RBFOX1: variants seen among roughly 807,000 people sequenced by gnomAD.
RBFOX1 encodes RNA binding fox-1 homolog 1.
RBFOX1 carries 8 observed loss-of-function variants against 57.7 expected under a neutral mutation model. The ratio of observed to expected loss-of-function variants is 0.14; its 90% CI spans 0.08 to 0.25. The LOEUF is 0.25. Among genes scored for constraint, RBFOX1 ranks in the 10% least tolerant of loss-of-function variants. The pLI, the probability that RBFOX1 is intolerant of heterozygous loss-of-function variation, is 1.00. For missense variants in RBFOX1, 611 were observed against 548.5 expected (o/e 1.11, Z -1.14); for synonymous variants, 326 against 222.4 (o/e 1.47, Z -4.15).
intron 4 of RBFOX1, among the ~76,000 whole-genome samples, chr16:7,356,771 T>C (rs776909296): frequency 2.0e-5 from 3 of 152,244 alleles, no homozygotes; most frequent in Non-Finnish European, 2.9e-5. Flanking sequence ...CACTCTCACA[T>C]GGCTTCTGCA....
At chr16:6,692,412 A>T (rs1658310728) in intron 3 of RBFOX1, among the ~76,000 whole-genome samples, 1 of 152,142 alleles carries the variant, frequency 6.6e-6, no homozygotes, top group African/African-American at 2.4e-5. Flanking sequence ...CCTCTCATTT[A>T]AATCCATCCT....
At position 5,296,945 on chromosome 16, in the gene RBFOX1, G is replaced by C. The variant is rs184404600; in HGVS notation, c.219+56840G>C. Among the ~76,000 whole-genome samples, 7 of 152,132 alleles carry C rather than the reference G, an allele frequency of 4.6e-5. No individual in the cohort carries two copies. The East Asian group carries it at 1.4e-3, about 29-fold the overall frequency. On this transcript the variant is annotated intron_variant, in intron 1 of 2. Transcript: ENST00000585867. ...CCTGCCTCGACCTCCCAAAGTGCTG[G>C]GATTACAGGCATGAGCTACCATGCC...
chr16:5,357,234 A>C (rs904290121), intron 1 of RBFOX1, among the ~76,000 whole-genome samples: 4 of 152,154 alleles, frequency 2.6e-5, no homozygotes, highest in African/African-American at 7.2e-5. Context: ...TGTTTGTTCT[A>C]CTGGGGCATT....
At chr16:6,767,615 C>T (rs1202704347) in intron 3 of RBFOX1, among the ~76,000 whole-genome samples, 1 of 152,026 alleles carries the variant, frequency 6.6e-6, no homozygotes, top group Non-Finnish European at 1.5e-5. Flanking sequence ...AAGAACTCAT[C>T]CCTAAGAAAT....
At chr16:6,941,523 G>A (rs1424566293) in intron 3 of RBFOX1, among the ~76,000 whole-genome samples, 1 of 151,928 alleles carries the variant, frequency 6.6e-6, no homozygotes, top group Non-Finnish European at 1.5e-5. Context: ...GACCCTGCTG[G>A]TGGGTTTCCT....
chr16:6,207,851 C>G (rs916751874), intron 1 of RBFOX1, among the ~76,000 whole-genome samples: 1 of 151,762 alleles, frequency 6.6e-6, no homozygotes, highest in Non-Finnish European at 1.5e-5. Context: ...CCACATCCAG[C>G]TAATTAAAAA....
At chr16:6,549,022 C>G (rs569059379) in intron 2 of RBFOX1, among the ~76,000 whole-genome samples, 1 of 148,604 alleles carries the variant, frequency 6.7e-6, no homozygotes, top group African/African-American at 2.5e-5. Flanking sequence ...TTGCAGTGAG[C>G]TGAGATCATG....
At chr16:5,528,192 G>T (rs1440715542) in intron 2 of RBFOX1, among the ~76,000 whole-genome samples, 1 of 152,118 alleles carries the variant, frequency 6.6e-6, no homozygotes, top group Admixed American at 6.6e-5. Flanking sequence ...AGACATTCCC[G>T]TGAGCTTCCT....
chr16:6,541,643 T>A (rs190580452), intron 2 of RBFOX1, among the ~76,000 whole-genome samples: 1 of 152,322 alleles, frequency 6.6e-6, no homozygotes, highest in East Asian at 1.9e-4. Context: ...CAGTGACACC[T>A]AGGTGGAAAT....
intron 1 of RBFOX1, among the ~76,000 whole-genome samples, chr16:6,021,792 T>A (rs2095084392): frequency 6.6e-6 from 1 of 152,232 alleles, no homozygotes; most frequent in African/African-American, 2.4e-5. Context: ...AGCTTCGGGT[T>A]GTCACCTGTA....
At chr16:6,841,549 T>G (rs183218269) in intron 3 of RBFOX1, among the ~76,000 whole-genome samples, 1 of 152,018 alleles carries the variant, frequency 6.6e-6, no homozygotes, top group Non-Finnish European at 1.5e-5. Context: ...ATGAGGCGAG[T>G]ATTACCACAG....
In RBFOX1 at chr16:5,805,132, G is replaced by C. The variant is rs1296402466; in HGVS notation, c.319-62171G>C. Reference sequence around the variant, plus strand: ...TGGGAAGGGGGCAGTTTGGTCACAGGTCTTTGAGGAGACCTGGGCTGGGTT... The same window carrying C: ...TGGGAAGGGGGCAGTTTGGTCACAGCTCTTTGAGGAGACCTGGGCTGGGTT... On this transcript the variant is annotated intron_variant, in intron 3 of 19. Transcript: ENST00000641259. Among the ~76,000 whole-genome samples the C allele has an allele frequency of 7.9e-5, 12 of 152,094 alleles. No individual in the cohort carries two copies. In the East Asian group the frequency reaches 2.3e-3, roughly 29 times the overall value.
At chr16:7,093,506 A>G (rs1222596716) in intron 4 of RBFOX1, among the ~76,000 whole-genome samples, 1 of 152,200 alleles carries the variant, frequency 6.6e-6, no homozygotes, top group African/African-American at 2.4e-5. Flanking sequence ...CAGCATCTTT[A>G]AGTCAGAGGT....
chr16:5,280,214 C>G (rs974148146), intron 1 of RBFOX1, among the ~76,000 whole-genome samples: 1 of 152,156 alleles, frequency 6.6e-6, no homozygotes, highest in African/African-American at 2.4e-5. Context: ...TGCCTTTCAT[C>G]TTGTTGATGT....
At chr16:5,524,767 C>A (rs1597394681) in intron 2 of RBFOX1, among the ~76,000 whole-genome samples, 1 of 152,050 alleles carries the variant, frequency 6.6e-6, no homozygotes, top group Admixed American at 6.5e-5. Context: ...TCTTGAACTC[C>A]TGACCTCAAG....
chr16:6,484,374 T>A (rs1021444323), intron 2 of RBFOX1, among the ~76,000 whole-genome samples: 5 of 152,202 alleles, frequency 3.3e-5, no homozygotes, highest in African/African-American at 1.2e-4. Context: ...ACTCTTCATC[T>A]TCTCTGCCTG....
chr16:7,421,605 A>C (rs7198251), intron 4 of RBFOX1, among the ~76,000 whole-genome samples: 36,782 of 152,164 alleles, frequency 0.24, 4,927 homozygotes, highest in African/African-American at 0.35. Context: ...AGGTTGGAAG[A>C]CTGCCGAGGC....
chr16:5,262,677 T>C (rs1425026037), intron 1 of RBFOX1, among the ~76,000 whole-genome samples: 1 of 152,148 alleles, frequency 6.6e-6, no homozygotes, highest in Admixed American at 6.5e-5. Context: ...CCCAGAGTAA[T>C]ATACAAGGTT....
At chr16:5,455,025 C>T (rs7500255) in intron 1 of RBFOX1, among the ~76,000 whole-genome samples, 1,142 of 77,802 alleles carry the variant, frequency 0.015, 16 homozygotes, top group East Asian at 0.05. Context: ...CTTTCTTTCT[C>T]TCTCTCTGTC....
Sources: gnomAD v4.1 joint callset for allele counts (sites outside exome capture counted in the v4.1 genomes callset) on GRCh38, gnomAD v4.1.1 for gene constraint, MANE v1.5 for transcripts, NCBI Gene and HGNC (gene_info 2026-07-23, HGNC 2026-07-21) for gene names.